Variants in WDR1 observed in about 807,000 individuals in gnomAD.
WDR1 encodes the protein WD repeat domain 1, also known as WD repeat-containing protein 1.
Under a neutral mutation model 71.9 loss-of-function variants are expected in WDR1, and 21 were observed. The observed-to-expected ratio is 0.29, with a 90% CI of 0.21 to 0.42. WDR1 has a LOEUF of 0.42. Ranked by LOEUF, WDR1 falls within the 10% of genes least tolerant of loss-of-function variation. WDR1 has a pLI of 1.00. For synonymous variants in WDR1, 424 were observed against 347.4 expected, an observed-to-expected ratio of 1.22 and a Z score of -2.45; for missense variants, 696 against 824.5, an observed-to-expected ratio of 0.84 and a Z score of 1.91.
chr4:10,098,111 C>T (rs144226101), intron 4 of WDR1, among the ~76,000 whole-genome samples: 2 of 151,994 alleles, frequency 1.3e-5, no homozygotes, highest in African/African-American at 2.4e-5. Flanking sequence ...GGCAAGCCGG[C>T]GCCTTCGGGA....
chr4:10,084,755 C>T (rs954048271), intron 8 of WDR1, among the ~76,000 whole-genome samples: 8 of 152,222 alleles, frequency 5.3e-5, no homozygotes, highest in Non-Finnish European at 8.8e-5. Context: ...AGACCCTGCC[C>T]TTCATTCCCC....
intron 5 of WDR1, among the ~76,000 whole-genome samples, chr4:10,094,195 T>C (rs1021285893): frequency 6.6e-6 from 1 of 152,218 alleles, no homozygotes; most frequent in Non-Finnish European, 1.5e-5. Flanking sequence ...CAGGACGACA[T>C]GCTGCTCTAA....
At chr4:10,094,040 G>A (rs1712174459) in intron 5 of WDR1, among the ~76,000 whole-genome samples, 1 of 152,214 alleles carries the variant, frequency 6.6e-6, no homozygotes, top group Non-Finnish European at 1.5e-5. Flanking sequence ...GGTCCCCGCA[G>A]GGCAGAGGCA....
At position 10,087,994 on chromosome 4, in the gene WDR1, G is replaced by A. The variant is rs143195615; in HGVS notation, c.718-54C>T. On this transcript the variant is annotated intron_variant, in intron 7 of 14. Transcript: ENST00000499869. ...GCCAGAGGACTACAGACTGGAGAGAGACCCCAAAAAGCAGCTTGTCCACTG... is the reference window on the plus strand; with the variant it reads ...GCCAGAGGACTACAGACTGGAGAGAAACCCCAAAAAGCAGCTTGTCCACTG... The A allele has an allele frequency of 5.9e-4, 868 of 1,482,044 alleles. 14 individuals carry two copies. In the African/African-American group the frequency reaches 0.011, roughly 20 times the overall value. The allele number at this position is 1,482,044 out of a possible 1,614,324, so 91.8% of individuals were successfully genotyped here. A position where few individuals can be genotyped will look rare whatever the true frequency, so the allele number is the denominator to read the frequency against.
At chr4:10,088,246 C>G (rs917432628) in intron 7 of WDR1, 47 bp downstream of exon 7, 7 of 1,523,302 alleles carry the variant, frequency 4.6e-6, no homozygotes, top group Non-Finnish European at 6.2e-6. Flanking sequence ...GACACGTGGA[C>G]TCGGCCAAAT....
chr4:10,086,114 A>T (rs140877647), intron 8 of WDR1, among the ~76,000 whole-genome samples: 1 of 152,212 alleles, frequency 6.6e-6, no homozygotes, highest in East Asian at 1.9e-4. Context: ...GGCTCATGGG[A>T]AACTGTTTTT....
At chr4:10,081,589 G>T (rs575420217) in intron 10 of WDR1, 145 bp from the exon 11 acceptor site, 105 of 587,220 alleles carry the variant, frequency 1.8e-4, no homozygotes, top group African/African-American at 1.5e-3. Context: ...CTAAAATATG[G>T]GATGGTAGCG....
At chr4:10,114,548 G>A (rs1231485331) in intron 2 of WDR1, among the ~76,000 whole-genome samples, 1 of 152,242 alleles carries the variant, frequency 6.6e-6, no homozygotes, top group Non-Finnish European at 1.5e-5. Context: ...GCAACGACAG[G>A]GAAGGCCTGG....
intron 3 of WDR1, among the ~76,000 whole-genome samples, chr4:10,103,424 T>A (rs1282576151): frequency 2.0e-5 from 3 of 152,082 alleles, no homozygotes; most frequent in African/African-American, 7.2e-5. Context: ...TGGAACTAAC[T>A]GCAACACTAC....
At chr4:10,111,409 C>G (rs531636491) in intron 2 of WDR1, among the ~76,000 whole-genome samples, 6 of 152,366 alleles carry the variant, frequency 3.9e-5, no homozygotes, top group African/African-American at 1.2e-4. Flanking sequence ...CCACCACCCT[C>G]TGCTTCCCCT....
chr4:10,092,875 G>T, intron 5 of WDR1: 1 of 413,340 alleles, frequency 2.4e-6, no homozygotes, highest in Non-Finnish European at 4.7e-6. Context: ...AACCAGCGGG[G>T]CTGCAGCAGT....
intron 11 of WDR1, among the ~76,000 whole-genome samples, chr4:10,079,969 C>T (rs988529537): frequency 3.4e-5 from 5 of 149,030 alleles, no homozygotes; most frequent in African/African-American, 9.9e-5. Flanking sequence ...CCTCCTAGCA[C>T]CCTCCTAACT....
chr4:10,099,164 G>A (rs752638647), intron 3 of WDR1, 25 bp from the exon 4 acceptor site: 13 of 1,412,030 alleles, frequency 9.2e-6, no homozygotes, highest in South Asian at 8.3e-5. Flanking sequence ...GGGCGGGGGA[G>A]GGGGGGAGGC....
chr4:10,075,570 G>C (rs752383187), intron 14 of WDR1, 86 bp from the exon 15 acceptor site: 11 of 1,249,644 alleles, frequency 8.8e-6, no homozygotes, highest in Non-Finnish European at 1.3e-5. Context: ...AACAACCTGT[G>C]CCTAAATCAT....
chr4:10,103,543 A>C (rs1436897708), intron 3 of WDR1, among the ~76,000 whole-genome samples: 1 of 152,190 alleles, frequency 6.6e-6, no homozygotes, highest in Non-Finnish European at 1.5e-5. Flanking sequence ...TGGGCCACAG[A>C]TAAAATACAC....
At chr4:10,095,175 G>A (rs1490895066) in intron 5 of WDR1, among the ~76,000 whole-genome samples, 3 of 152,258 alleles carry the variant, frequency 2.0e-5, no homozygotes, top group African/African-American at 7.2e-5. Context: ...GGCCACCAAG[G>A]CCTGAGCGCT....
At chr4:10,076,836 C>T (rs28758356) in intron 14 of WDR1, 1,952 of 164,634 alleles carry the variant, frequency 0.012, 37 homozygotes, top group African/African-American at 0.041. Context: ...CATGGCCACG[C>T]GGGGACATCA....
intron 14 of WDR1, 94 bp from the exon 15 acceptor site, chr4:10,075,578 C>A (rs546468576): frequency 1.6e-5 from 19 of 1,174,424 alleles, no homozygotes; most frequent in Non-Finnish European, 2.4e-5. Flanking sequence ...GTGCCTAAAT[C>A]ATCTCCAGGG....
intron 3 of WDR1, among the ~76,000 whole-genome samples, chr4:10,101,832 C>T (rs1047589412): frequency 3.9e-5 from 6 of 152,244 alleles, no homozygotes; most frequent in Admixed American, 2.0e-4. Context: ...TAAGAGCATT[C>T]GGCTCCATGT....
Sources: allele counts gnomAD v4.1 joint callset (sites outside exome capture counted in the v4.1 genomes callset), GRCh38; gene constraint gnomAD v4.1.1; transcripts MANE v1.5; gene names NCBI Gene and HGNC (gene_info 2026-07-23, HGNC 2026-07-21).